MAP3K8: variants seen among roughly 807,000 people sequenced by gnomAD.
The protein encoded by MAP3K8 is Ewing sarcoma transformant.
In MAP3K8, 22 loss-of-function variants were observed where a neutral mutation model predicts 45.8. The observed-to-expected ratio is 0.48, with a 90% CI of 0.34 to 0.69. The LOEUF (loss-of-function observed/expected upper bound fraction) is 0.69. Ranked by LOEUF, MAP3K8 falls within the 30% of genes least tolerant of loss-of-function variation. The probability of loss-of-function intolerance (pLI) is 0.01; values close to 1 mark genes in which losing one functional copy is unlikely to be tolerated. For missense variants in MAP3K8, 419 were observed against 585.0 expected (o/e 0.72, Z 2.93); for synonymous variants, 223 against 214.3 (o/e 1.04, Z -0.36).
intron 4 of MAP3K8, among the ~76,000 whole-genome samples, chr10:30,450,010 A>C (rs1836481404): frequency 6.6e-6 from 1 of 152,234 alleles, no homozygotes; most frequent in Non-Finnish European, 1.5e-5. Context: ...CTGACTTCTA[A>C]ATGAAAAGAG....
intron 4 of MAP3K8, among the ~76,000 whole-genome samples, chr10:30,448,878 C>T (rs1291468513): frequency 1.3e-5 from 2 of 152,072 alleles, no homozygotes; most frequent in African/African-American, 4.8e-5. Context: ...TCCACGTGGC[C>T]ACCAAAAACT....
rs780629203 is a variant in MAP3K8, at chr10:30,453,991, GA to G, written c.873+2250del. ...AAGGAAGGAAGGAAAGAAAAAGAAG[GA>G]AAGAAAGAAAGAAAGCATGCACAAC... On this transcript the variant is annotated intron_variant, in intron 6 of 8. Transcript: ENST00000263056. Among the ~76,000 whole-genome samples the G allele has an allele frequency of 3.0e-3, 444 of 146,410 alleles. 1 individual carries two copies. The highest frequency in any genetic ancestry group is 0.011 in the African/African-American group (401 of 36,502).
At position 30,450,422 on chromosome 10, in the gene MAP3K8, A is replaced by G. The variant is rs769944005; in HGVS notation, c.669A>G (p.Gly223=). ...GSVLEKLESC[G]PMREFEIIWV... is the part of the protein sequence containing the mutation. ...TTCTGGAGAAACTGGAGAGCTGTGGACCAATGAGAGAATTTGAAATTATTT... is the reference window on the plus strand; with the variant it reads ...TTCTGGAGAAACTGGAGAGCTGTGGGCCAATGAGAGAATTTGAAATTATTT... Residue 223 remains glycine (G), a synonymous_variant, in exon 5 of 9, where the codon GGA becomes GGG. Coordinates refer to ENST00000263056, the MANE Select transcript of MAP3K8 (RefSeq NM_005204.4). 2.5e-6 allele frequency: 4 copies of G among 1,614,156 alleles called. No homozygotes were observed. Among genetic ancestry groups the G allele is most frequent in the Admixed American group, 3.3e-5 (2 of 60,024 alleles).
chr10:30,448,281 TCTC>T (rs997864014), intron 4 of MAP3K8, among the ~76,000 whole-genome samples: 10 of 152,068 alleles, frequency 6.6e-5, no homozygotes, highest in Admixed American at 5.2e-4. Context: ...TCTCTGTGCT[TCTC>T]CTTTCATTCC....
At position 30,460,721 on chromosome 10, in the gene MAP3K8, G is replaced by C; in HGVS notation, c.1289G>C (p.Gly430Ala). 6.2e-7 allele frequency: 1 copy of C among 1,609,760 alleles called. No homozygotes were observed. The highest frequency in any genetic ancestry group is 8.5e-7 in the Non-Finnish European group (1 of 1,177,954). ...PENIADSSCT[G>A]STEESEMLKR... ...TCCTTTTCAGATTCTTCGTGCACAG[G>C]AAGCACCGAGGAATCTGAGATGCTC... is the stretch of plus-strand genomic sequence containing the variant. The change falls in exon 9 of 9, where the codon GGA becomes GCA. Residue 430 changes from glycine (G) to alanine (A), a missense_variant. Gly to Ala is a moderately conservative substitution (Grantham distance 60, BLOSUM62 0). Around this residue, in one of 3 missense-constraint regions of MAP3K8, gnomAD observed 108 missense variants for 124.2 expected, o/e 0.87. Coordinates refer to ENST00000263056, the MANE Select transcript of MAP3K8 (RefSeq NM_005204.4).
chr10:30,438,027 G>A (rs1432905946), intron 2 of MAP3K8, among the ~76,000 whole-genome samples: 1 of 152,138 alleles, frequency 6.6e-6, no homozygotes, highest in East Asian at 1.9e-4. Context: ...TCCAAGTGTG[G>A]CAGCTGATTT....
chr10:30,450,843 ATGCTGTGG>A (rs912825014), intron 5 of MAP3K8, among the ~76,000 whole-genome samples: 43 of 151,812 alleles, frequency 2.8e-4, no homozygotes, highest in Non-Finnish European at 4.9e-4. Context: ...GCACTTTGGG[ATGCTGTGG>A]CAAGTTGATC....
chr10:30,444,487 T>A (rs1836242107), intron 3 of MAP3K8, among the ~76,000 whole-genome samples: 1 of 151,896 alleles, frequency 6.6e-6, no homozygotes, highest in Non-Finnish European at 1.5e-5. Context: ...AAAATTAAAT[T>A]AAATTAAATA....
intron 1 of MAP3K8, among the ~76,000 whole-genome samples, chr10:30,436,943 G>T (rs1835932070): frequency 6.6e-6 from 1 of 151,430 alleles, no homozygotes; most frequent in South Asian, 2.1e-4. Context: ...AGCAGAAACT[G>T]CAACTAAACG....
intron 6 of MAP3K8, among the ~76,000 whole-genome samples, chr10:30,451,948 CTA>C (rs1247184308): frequency 1.3e-5 from 2 of 151,994 alleles, no homozygotes; most frequent in African/African-American, 4.8e-5. Context: ...GTATTTTTTG[CTA>C]TGTTATTTAT....
intron 3 of MAP3K8, among the ~76,000 whole-genome samples, chr10:30,439,804 G>C (rs1314411307): frequency 5.3e-5 from 8 of 152,196 alleles, no homozygotes; most frequent in Admixed American, 5.2e-4. Flanking sequence ...GTGAGACTCT[G>C]TCTCAACAAC....
chr10:30,450,450 G>T lies in MAP3K8; in HGVS notation c.697G>T (p.Val233Leu). ...GPMREFEIIWVTKHVLKGLDF... is the reference protein window; with the variant it reads ...GPMREFEIIWLTKHVLKGLDF... Reference sequence around the variant, plus strand: ...AATGAGAGAATTTGAAATTATTTGGGTGACAAAGCATGTTCTCAAGGGACT... The same window carrying T: ...AATGAGAGAATTTGAAATTATTTGGTTGACAAAGCATGTTCTCAAGGGACT... Residue 233 changes from valine to leucine, a missense_variant, in exon 5 of 9, where the codon GTG becomes TTG. By Grantham distance (32) the Val-to-Leu change is conservative (BLOSUM62 1). Coordinates refer to ENST00000263056, the MANE Select transcript of MAP3K8 (RefSeq NM_005204.4). 1 of 1,614,094 alleles carries T rather than the reference G, an allele frequency of 6.2e-7. No individual in the cohort carries two copies. Among genetic ancestry groups the T allele is most frequent in the Non-Finnish European group, 8.5e-7 (1 of 1,179,982 alleles).
At chr10:30,447,013 T>C (rs1836363985) in intron 3 of MAP3K8, among the ~76,000 whole-genome samples, 1 of 152,158 alleles carries the variant, frequency 6.6e-6, no homozygotes, top group African/African-American at 2.4e-5. Flanking sequence ...AGTCTCCCAG[T>C]ATGCTAGTAT....
intron 3 of MAP3K8, among the ~76,000 whole-genome samples, chr10:30,441,901 A>C (rs916802832): frequency 1.3e-5 from 2 of 152,182 alleles, no homozygotes; most frequent in African/African-American, 4.8e-5. Context: ...TTCTATTCCC[A>C]TCATCTTCCA....
At chr10:30,460,583 C>T in intron 8 of MAP3K8, 123 bp from the exon 9 acceptor site, 1 of 727,484 alleles carries the variant, frequency 1.4e-6, no homozygotes, top group Non-Finnish European at 2.2e-6. Context: ...TTCAAAGACC[C>T]ATCTTTCACG....
chr10:30,452,418 G>A (rs1027331139), intron 6 of MAP3K8, among the ~76,000 whole-genome samples: 4 of 151,672 alleles, frequency 2.6e-5, no homozygotes, highest in African/African-American at 7.3e-5. Context: ...GAGGTGAGCC[G>A]AGATCGTGCC....
chr10:30,441,537 T>C (rs972945177), intron 3 of MAP3K8, among the ~76,000 whole-genome samples: 1 of 152,156 alleles, frequency 6.6e-6, no homozygotes, highest in Non-Finnish European at 1.5e-5. Flanking sequence ...TATTTTAAAA[T>C]GATCAAGAAT....
chr10:30,446,355 TAAA>T (rs1018967857), intron 3 of MAP3K8, among the ~76,000 whole-genome samples: 1 of 152,048 alleles, frequency 6.6e-6, no homozygotes, highest in African/African-American at 2.4e-5. Flanking sequence ...GCCAACATGG[TAAA>T]ACCCCATCTC....
chr10:30,434,834 C>T (rs1347344944), intron 1 of MAP3K8: 3 of 951,820 alleles, frequency 3.2e-6, no homozygotes, highest in Admixed American at 6.2e-5. Context: ...GCTCCCTTGA[C>T]TTAGAGAACC....
Sources: allele counts gnomAD v4.1 joint callset (sites outside exome capture counted in the v4.1 genomes callset), GRCh38; gene constraint gnomAD v4.1.1; regional missense constraint gnomAD v4.1.1; transcripts MANE v1.5; gene names NCBI Gene and HGNC (gene_info 2026-07-23, HGNC 2026-07-21).